NKAIN3: variants seen among roughly 807,000 people sequenced by gnomAD.
NKAIN3 encodes the protein sodium/potassium transporting ATPase interacting 3.
A neutral mutation model predicts 30.2 loss-of-function variants in NKAIN3; 25 were observed. The ratio of observed to expected loss-of-function variants is 0.83; its 90% confidence interval spans 0.60 to 1.16. The LOEUF (loss-of-function observed/expected upper bound fraction) is 1.16. Ranked by LOEUF, NKAIN3 falls within the 50% of genes most tolerant of loss-of-function variation. The pLI is 0.00. For synonymous variants in NKAIN3, 91 were observed against 89.6 expected, an observed-to-expected ratio of 1.02 and a Z score of -0.09; for missense variants, 225 against 254.1, an observed-to-expected ratio of 0.89 and a Z score of 0.78.
intron 1 of NKAIN3, among the ~76,000 whole-genome samples, chr8:62,320,970 C>A (rs1453327022): frequency 6.6e-6 from 1 of 152,186 alleles, no homozygotes; most frequent in Non-Finnish European, 1.5e-5. Flanking sequence ...TCAGGTACAC[C>A]AATCTGATGT....
chr8:62,659,508 T>C (rs1466020218), intron 3 of NKAIN3, among the ~76,000 whole-genome samples: 1 of 152,262 alleles, frequency 6.6e-6, no homozygotes, highest in African/African-American at 2.4e-5. Flanking sequence ...TAATGTGACA[T>C]AGCACCTCTG....
At chr8:62,457,226 G>A (rs1351089887) in intron 1 of NKAIN3, among the ~76,000 whole-genome samples, 3 of 152,222 alleles carry the variant, frequency 2.0e-5, no homozygotes, top group Non-Finnish European at 2.9e-5. Context: ...TATTTGAAAG[G>A]ACCATGAATG....
intron 1 of NKAIN3, among the ~76,000 whole-genome samples, chr8:62,498,464 G>A (rs542072530): frequency 1.3e-5 from 2 of 151,916 alleles, no homozygotes; most frequent in South Asian, 2.1e-4. Context: ...GTATTACCCT[G>A]TATAACTGCC....
chr8:62,911,424 T>A (rs1821922669), intron 4 of NKAIN3, among the ~76,000 whole-genome samples: 1 of 152,176 alleles, frequency 6.6e-6, no homozygotes, highest in African/African-American at 2.4e-5. Flanking sequence ...ATAAGCAACT[T>A]CCAAGATAGA....
chr8:62,339,606 C>G (rs1353602112), intron 1 of NKAIN3, among the ~76,000 whole-genome samples: 1 of 152,020 alleles, frequency 6.6e-6, no homozygotes, highest in African/African-American at 2.4e-5. Flanking sequence ...TTTGTCTAAA[C>G]TATCCTGTAA....
chr8:62,510,436 G>A (rs1563432864), intron 1 of NKAIN3, among the ~76,000 whole-genome samples: 1 of 152,078 alleles, frequency 6.6e-6, no homozygotes, highest in Non-Finnish European at 1.5e-5. Flanking sequence ...TTAGCACATC[G>A]GCTCTTGATG....
At chr8:62,308,373 T>C (rs1282070060) in intron 1 of NKAIN3, among the ~76,000 whole-genome samples, 1 of 150,336 alleles carries the variant, frequency 6.7e-6, no homozygotes, top group Non-Finnish European at 1.5e-5. Flanking sequence ...AGTGTAGTTA[T>C]TAAGACAGCT....
At chr8:62,789,097 G>T (rs937268046) in intron 4 of NKAIN3, among the ~76,000 whole-genome samples, 1 of 151,920 alleles carries the variant, frequency 6.6e-6, no homozygotes, top group Non-Finnish European at 1.5e-5. Context: ...GATGGGGATG[G>T]CATTGAATCT....
At chr8:62,399,194 A>T (rs190580596) in intron 1 of NKAIN3, among the ~76,000 whole-genome samples, 174 of 152,298 alleles carry the variant, frequency 1.1e-3, no homozygotes, top group African/African-American at 4.1e-3. Flanking sequence ...TTTTCAGAAG[A>T]TAAACTTAAG....
Position 62,973,830 on chromosome 8 carries a change from T to C in NKAIN3, c.*8423T>C, listed in dbSNP as rs909738027. On this transcript the variant is annotated 3_prime_UTR_variant, in exon 7 of 7. Transcript: ENST00000623646. ...ATTTAAGTTTTTAAGCCATCTTGAGTTAATTTTTGTACAAGATGTAAGGAA... is the reference window on the plus strand; with the variant it reads ...ATTTAAGTTTTTAAGCCATCTTGAGCTAATTTTTGTACAAGATGTAAGGAA... Among the ~76,000 whole-genome samples the C allele has an allele frequency of 2.0e-5, 3 of 152,162 alleles. No homozygotes were observed. The highest frequency in any genetic ancestry group is 7.2e-5 in the African/African-American group (3 of 41,440).
chr8:62,339,538 A>G (rs780043935), intron 1 of NKAIN3, among the ~76,000 whole-genome samples: 2 of 152,148 alleles, frequency 1.3e-5, no homozygotes, highest in South Asian at 4.1e-4. Flanking sequence ...GTTAAATTGA[A>G]CATAGAAATA....
chr8:62,625,890 CTACAGTGA>C (rs1436819567), intron 3 of NKAIN3, among the ~76,000 whole-genome samples: 23 of 152,082 alleles, frequency 1.5e-4, no homozygotes, highest in African/African-American at 5.1e-4. Context: ...TGAACACTTA[CTACAGTGA>C]TGTCAAAAAT....
chr8:62,264,471 C>T (rs1812545546), intron 1 of NKAIN3, among the ~76,000 whole-genome samples: 2 of 152,192 alleles, frequency 1.3e-5, no homozygotes, highest in Non-Finnish European at 2.9e-5. Context: ...TTGTAAGTGG[C>T]TGACTAGAGA....
At chr8:62,573,410 A>T (rs1810008639) in intron 1 of NKAIN3, among the ~76,000 whole-genome samples, 4 of 152,146 alleles carry the variant, frequency 2.6e-5, no homozygotes. Context: ...TGGTTTCTTC[A>T]ATATACATGA....
chr8:62,836,907 C>A (rs1819383474), intron 4 of NKAIN3, among the ~76,000 whole-genome samples: 1 of 152,030 alleles, frequency 6.6e-6, no homozygotes, highest in African/African-American at 2.4e-5. Flanking sequence ...AAAACCTAAA[C>A]CTTTTATTAA....
At chr8:62,430,804 G>C (rs1342913278) in intron 1 of NKAIN3, among the ~76,000 whole-genome samples, 1 of 151,884 alleles carries the variant, frequency 6.6e-6, no homozygotes, top group African/African-American at 2.4e-5. Context: ...GGTATGAGTA[G>C]TATGTATGAA....
At chr8:62,268,258 A>G (rs973060689) in intron 1 of NKAIN3, among the ~76,000 whole-genome samples, 2 of 152,208 alleles carry the variant, frequency 1.3e-5, no homozygotes, top group East Asian at 1.9e-4. Flanking sequence ...CAGATGCAGA[A>G]CAGCCTCTTC....
At chr8:62,477,540 G>A (rs1806560678) in intron 1 of NKAIN3, among the ~76,000 whole-genome samples, 1 of 152,142 alleles carries the variant, frequency 6.6e-6, no homozygotes. Context: ...GTTGCTTATG[G>A]CCATTCCTTT....
chr8:62,411,259 T>C (rs1485485688), intron 1 of NKAIN3, among the ~76,000 whole-genome samples: 1 of 152,164 alleles, frequency 6.6e-6, no homozygotes, highest in Non-Finnish European at 1.5e-5. Context: ...CAGAAATCAA[T>C]AAATGTAATT....
Sources: gnomAD v4.1 joint callset for allele counts (sites outside exome capture counted in the v4.1 genomes callset) on GRCh38, gnomAD v4.1.1 for gene constraint, MANE v1.5 for transcripts, NCBI Gene and HGNC (gene_info 2026-07-23, HGNC 2026-07-21) for gene names.